The following CDC42BPB variants were observed in gnomAD, a reference collection of about 807,000 sequenced individuals.
The protein encoded by CDC42BPB is serine/threonine-protein kinase MRCK beta.
Under a neutral mutation model 214.9 loss-of-function variants are expected in CDC42BPB, and 37 were observed. That is an observed-to-expected ratio of 0.17 (90% CI 0.13 to 0.23). The LOEUF is 0.23. Among genes scored for constraint, CDC42BPB ranks in the 10% least tolerant of loss-of-function variants. The pLI is 1.00. For synonymous variants in CDC42BPB, 931 were observed against 884.0 expected (o/e 1.05, Z -0.94); for missense variants, 1,694 against 2,227.0 (o/e 0.76, Z 4.82).
intron 2 of CDC42BPB, among the ~76,000 whole-genome samples, chr14:103,011,381 T>C (rs1886149718): frequency 6.6e-6 from 1 of 151,924 alleles, no homozygotes; most frequent in Non-Finnish European, 1.5e-5. Flanking sequence ...CGACCCTCTC[T>C]GTGTTTTTTA....
Position 103,055,360 on chromosome 14 carries a change from T to G in CDC42BPB, c.175+1639A>C, listed in dbSNP as rs574360678. ...ATTACTTGAACCCAGGAGATGGAGG[T>G]TGTAGTGAGCCAAGATCATGCCACT... On this transcript the variant is annotated intron_variant, in intron 1 of 36. Transcript: ENST00000361246. Among the ~76,000 whole-genome samples, 54 of 152,164 alleles carry G rather than the reference T, an allele frequency of 3.5e-4. 2 individuals carry two copies. The South Asian group carries it at 0.011, about 32-fold the overall frequency.
In CDC42BPB at chr14:102,952,736, G is replaced by C. The variant is rs1021324823; in HGVS notation, c.3067-133C>G. ...GTGGAAATGTGCAAGTTCTGGTCTT[G>C]GTCTACGTGTTCCCTAACAGGGCTC... On this transcript the variant is annotated intron_variant, in intron 23 of 36. Transcript: ENST00000361246. 11 of 1,463,032 alleles carry C rather than the reference G, an allele frequency of 7.5e-6. No homozygotes were observed. The African/African-American group carries it at 9.8e-5, about 13-fold the overall frequency. 90.6% of individuals were successfully genotyped at this position (1,463,032 alleles called of 1,614,324 possible).
Position 102,933,467 on chromosome 14 carries a change from G to C in CDC42BPB, c.*245C>G. 2.6e-6 allele frequency: 1 copy of C among 380,522 alleles called. No individual in the cohort carries two copies. The allele number at this position is 380,522 out of a possible 1,614,324, so 23.6% of individuals were successfully genotyped here. ...CAGGGGTGGGAGACAGGCTGTATGG[G>C]GGTCCTTCATGTGCAGATGGAACAG... On this transcript the variant is annotated 3_prime_UTR_variant, in exon 37 of 37. Coordinates refer to ENST00000361246, the MANE Select transcript of CDC42BPB (RefSeq NM_006035.4).
At chr14:102,966,888 C>T (rs1893230526) in intron 17 of CDC42BPB, among the ~76,000 whole-genome samples, 158 bp downstream of exon 17, 1 of 152,200 alleles carries the variant, frequency 6.6e-6, no homozygotes, top group Non-Finnish European at 1.5e-5. Flanking sequence ...ACCACTGCCC[C>T]AGACATGAGA....
intron 1 of CDC42BPB, among the ~76,000 whole-genome samples, chr14:103,034,901 A>G (rs1487700310): frequency 6.6e-6 from 1 of 152,126 alleles, no homozygotes; most frequent in East Asian, 1.9e-4. Context: ...GGATTTTTAA[A>G]GTTTCTTTCC....
chr14:102,961,978 T>TAAC (rs1892982623), intron 20 of CDC42BPB, among the ~76,000 whole-genome samples: 1 of 152,204 alleles, frequency 6.6e-6, no homozygotes, highest in African/African-American at 2.4e-5. Flanking sequence ...TCCGCAAGAC[T>TAAC]AACAACCTGA....
intron 1 of CDC42BPB, among the ~76,000 whole-genome samples, chr14:103,014,528 G>A (rs559319430): frequency 6.6e-6 from 1 of 152,254 alleles, no homozygotes; most frequent in South Asian, 2.1e-4. Context: ...GCTACAATTA[G>A]CTCCAAAACA....
rs1380379249 is a variant in CDC42BPB at position 102,983,768 on chromosome 14, A to C, written c.691-12T>G. The stretch of plus-strand genomic sequence containing the variant: ...ACGGAGGACTGCACCTTAGGGGAGA[A>C]GGAGGTGCTGAAGGAAACCCTAGGG... On this transcript the variant is annotated splice_polypyrimidine_tract_variant and intron_variant, in intron 6 of 36. Transcript: ENST00000361246. 1 of 1,610,508 alleles carries C rather than the reference A, an allele frequency of 6.2e-7. No homozygotes were observed. The highest frequency in any genetic ancestry group is 2.2e-5 in the East Asian group (1 of 44,886).
Position 102,954,305 on chromosome 14 carries a change from G to A in CDC42BPB, c.2989-30C>T, listed in dbSNP as rs188967122. ...GAGACAAGCAGGACAGGTGAGTGTCGGCCCAGCTCAGCATGGCTGAGACAC... is the reference window on the plus strand; with the variant it reads ...GAGACAAGCAGGACAGGTGAGTGTCAGCCCAGCTCAGCATGGCTGAGACAC... On this transcript the variant is annotated intron_variant, in intron 22 of 36. Transcript: ENST00000361246. The A allele has an allele frequency of 5.4e-5, 80 of 1,486,304 alleles. No homozygotes were observed. The African/African-American group carries it at 9.1e-4, about 17-fold the overall frequency. 92.1% of individuals were successfully genotyped at this position (1,486,304 alleles called of 1,614,324 possible).
chr14:103,012,952 T>C (rs549571283), intron 1 of CDC42BPB, among the ~76,000 whole-genome samples: 57 of 152,348 alleles, frequency 3.7e-4, no homozygotes, highest in African/African-American at 1.2e-3. Flanking sequence ...GGTTTTGCCA[T>C]CTGAGTCTGT....
chr14:103,010,390 C>T (rs574540826), intron 2 of CDC42BPB, among the ~76,000 whole-genome samples: 8 of 152,300 alleles, frequency 5.3e-5, no homozygotes, highest in African/African-American at 1.7e-4. Flanking sequence ...CTGGGAGCTC[C>T]GGGCACGATG....
At chr14:103,045,962 G>A (rs540006891) in intron 1 of CDC42BPB, among the ~76,000 whole-genome samples, 1 of 152,258 alleles carries the variant, frequency 6.6e-6, no homozygotes, top group South Asian at 2.1e-4. Context: ...ATGTCAACAC[G>A]ATTTTGCAGA....
intron 12 of CDC42BPB, among the ~76,000 whole-genome samples, chr14:102,973,645 C>T (rs1893588979): frequency 6.8e-6 from 1 of 146,226 alleles, no homozygotes; most frequent in Non-Finnish European, 1.6e-5. Context: ...TGGACGGCCA[C>T]CATGCCCTGT....
At position 102,975,752 on chromosome 14, in the gene CDC42BPB, T is replaced by G; in HGVS notation, c.1439A>C (p.Asn480Thr). 1 of 1,614,184 alleles carries G rather than the reference T, an allele frequency of 6.2e-7. No homozygotes were observed. Among genetic ancestry groups the G allele is most frequent in the Non-Finnish European group, 8.5e-7 (1 of 1,179,984 alleles). ...SLHGSSRALS[N>T]SNRDKEIKKL... ...TTTGATTTCTTTATCTCGGTTTGAA[T>G]TGCTGAGGGCCCGAGATGAGCCGTG... Residue 480 changes from asparagine to threonine, a missense_variant, in exon 11 of 37, where the codon AAT (asparagine) becomes ACT (threonine). Transcript: ENST00000361246.
chr14:102,943,808 C>A lies in CDC42BPB; in HGVS notation c.4408+83G>T. ...ACTACTCAACTAAGGGACTGGAAGA[C>A]AAACCAAAGCAAAATCGAACACATG... On this transcript the variant is annotated intron_variant, in intron 30 of 36. Transcript: ENST00000361246. This position sits in a 1 kb window ranked among gnomAD's most constrained non-coding sequence, Gnocchi z 4.6. The A allele has an allele frequency of 7.4e-7, 1 of 1,354,862 alleles. No homozygotes were observed. Among genetic ancestry groups the A allele is most frequent in the Non-Finnish European group, 1.0e-6 (1 of 991,664 alleles). 83.9% of individuals were successfully genotyped at this position (1,354,862 alleles called of 1,614,324 possible). A position where few individuals can be genotyped will look rare whatever the true frequency, so the allele number is the denominator to read the frequency against.
At position 102,988,211 on chromosome 14, in the gene CDC42BPB, G is replaced by A. The variant is rs530421419; in HGVS notation, c.597-1631C>T. On this transcript the variant is annotated intron_variant, in intron 5 of 36. Transcript: ENST00000361246. ...AAATGAGGTAAAGAAACAAGGAAAC[G>A]CAGTCAGATAGGAAGCAGCCAGAGG... Among the ~76,000 whole-genome samples, 333 of 152,126 alleles carry A rather than the reference G, an allele frequency of 2.2e-3. 4 individuals carry two copies. The highest frequency in any genetic ancestry group is 7.6e-3 in the African/African-American group (315 of 41,510).
intron 29 of CDC42BPB, among the ~76,000 whole-genome samples, chr14:102,945,019 A>T (rs1892090536): frequency 6.6e-6 from 1 of 152,162 alleles, no homozygotes; most frequent in Non-Finnish European, 1.5e-5. Flanking sequence ...CGCCGCCCTC[A>T]CACGGCCCCC....
intron 30 of CDC42BPB, chr14:102,940,767 C>A (rs1001327867): frequency 8.4e-6 from 2 of 239,460 alleles, no homozygotes; most frequent in Non-Finnish European, 1.7e-5. Flanking sequence ...AAAAACCACA[C>A]AGAAACCACT....
intron 1 of CDC42BPB, among the ~76,000 whole-genome samples, chr14:103,053,011 T>C (rs1041663069): frequency 3.7e-4 from 56 of 152,248 alleles, no homozygotes; most frequent in African/African-American, 1.4e-3. Flanking sequence ...TTTCATATGT[T>C]CTGCTTCAAA....
Sources: gnomAD v4.1 joint callset for allele counts (sites outside exome capture counted in the v4.1 genomes callset) on GRCh38, gnomAD v4.1.1 for gene constraint, Gnocchi (gnomAD v3.1) non-coding constraint, MANE v1.5 for transcripts, NCBI Gene and HGNC (gene_info 2026-07-23, HGNC 2026-07-21) for gene names.